The following CSMD1 variants were observed in gnomAD, a reference collection of about 807,000 sequenced individuals.
The protein encoded by CSMD1 is CUB and Sushi multiple domains 1.
A neutral mutation model predicts 417.5 loss-of-function variants in CSMD1; 213 were observed. The observed-to-expected ratio is 0.51, with a 90% CI of 0.46 to 0.57. The LOEUF (loss-of-function observed/expected upper bound fraction) is 0.57, where lower values mean the gene tolerates loss of function less well. Among genes scored for constraint, CSMD1 ranks in the 20% least tolerant of loss-of-function variants. The probability of loss-of-function intolerance (pLI) is 0.00; values close to 1 mark genes in which losing one functional copy is unlikely to be tolerated. For missense variants in CSMD1, 6,923 were observed against 4,529.7 expected (o/e 1.53, Z -15.17); for synonymous variants, 2,862 against 1,736.8 (o/e 1.65, Z -16.11).
chr8:3,829,785 G>C (rs955396456), intron 5 of CSMD1, among the ~76,000 whole-genome samples: 4 of 152,074 alleles, frequency 2.6e-5, no homozygotes, highest in Non-Finnish European at 4.4e-5. Context: ...CAGGAATATT[G>C]AATGAGGTTT....
At chr8:4,769,449 G>A (rs1796494643) in intron 1 of CSMD1, among the ~76,000 whole-genome samples, 1 of 152,108 alleles carries the variant, frequency 6.6e-6, no homozygotes, top group Non-Finnish European at 1.5e-5. Context: ...GGTATTATCT[G>A]AAGATCACTT....
chr8:3,639,803 G>C (rs1797218637), intron 7 of CSMD1, among the ~76,000 whole-genome samples: 1 of 151,836 alleles, frequency 6.6e-6, no homozygotes, highest in African/African-American at 2.4e-5. Flanking sequence ...TCCTATTTTG[G>C]TTCAGGGCAA....
chr8:4,053,125 G>A (rs1209042159), intron 3 of CSMD1, among the ~76,000 whole-genome samples: 9 of 152,288 alleles, frequency 5.9e-5, no homozygotes, highest in Non-Finnish European at 8.8e-5. Context: ...TGCCCAGGAA[G>A]CTTCTCCATG....
intron 23 of CSMD1, among the ~76,000 whole-genome samples, chr8:3,313,469 C>G (rs1055930788): frequency 6.6e-6 from 1 of 152,194 alleles, no homozygotes; most frequent in Non-Finnish European, 1.5e-5. Context: ...ACAGACACCT[C>G]TCAAAAGATG....
At chr8:3,080,444 A>C (rs1814004819) in intron 49 of CSMD1, among the ~76,000 whole-genome samples, 1 of 152,252 alleles carries the variant, frequency 6.6e-6, no homozygotes, top group African/African-American at 2.4e-5. Context: ...AAGGTCAAGC[A>C]AAGTGAGAAA....
intron 2 of CSMD1, among the ~76,000 whole-genome samples, chr8:4,471,845 G>C (rs1051893105): frequency 2.0e-5 from 3 of 152,130 alleles, no homozygotes; most frequent in African/African-American, 4.8e-5. Context: ...TGCAAGGAAG[G>C]TGTTTTCAAT....
chr8:4,621,573 G>C (rs953005020), intron 2 of CSMD1, among the ~76,000 whole-genome samples: 2 of 151,948 alleles, frequency 1.3e-5, no homozygotes, highest in Non-Finnish European at 2.9e-5. Context: ...ATTTCTAAAA[G>C]AAAACTCCAG....
rs192969022 is a variant in CSMD1 at position 3,240,588 on chromosome 8, C to G, written c.4154-10357G>C. On this transcript the variant is annotated intron_variant, in intron 26 of 69. Coordinates refer to ENST00000635120, the MANE Select transcript of CSMD1 (RefSeq NM_033225.6). ...GGGGGCTGTCTGTGAAGCTTTGCGG[C>G]AGTACAGCCCGGGTAATCTGCTGAG... 9.3e-3 allele frequency among the ~76,000 whole-genome samples: 1,417 copies of G among 151,934 alleles called. 22 individuals carry two copies. Among genetic ancestry groups the G allele is most frequent in the African/African-American group, 0.032 (1,332 of 41,422 alleles).
intron 26 of CSMD1, among the ~76,000 whole-genome samples, chr8:3,255,425 G>T (rs1800578042): frequency 6.6e-6 from 1 of 152,190 alleles, no homozygotes; most frequent in Admixed American, 6.5e-5. Context: ...AGTCTGCACA[G>T]GTTTCTGCTG....
chr8:3,746,083 AT>A (rs59714113), intron 6 of CSMD1, among the ~76,000 whole-genome samples: 8,757 of 152,230 alleles, frequency 0.058, 909 homozygotes, highest in African/African-American at 0.2. Flanking sequence ...CATTTAGCAA[AT>A]AAACATGAAA....
intron 6 of CSMD1, among the ~76,000 whole-genome samples, chr8:3,742,565 G>A (rs1487810882): frequency 6.6e-6 from 1 of 152,146 alleles, no homozygotes; most frequent in Non-Finnish European, 1.5e-5. Context: ...TGAAGAAAGT[G>A]ACGCATTGCC....
intron 41 of CSMD1, among the ~76,000 whole-genome samples, chr8:3,121,447 C>A (rs568752252): frequency 1.3e-5 from 2 of 152,278 alleles, no homozygotes; most frequent in African/African-American, 4.8e-5. Context: ...TTGGCTCCCC[C>A]AGGGACGAGA....
chr8:3,421,488 AAAG>A (rs1157234690), intron 12 of CSMD1, among the ~76,000 whole-genome samples: 1 of 152,252 alleles, frequency 6.6e-6, no homozygotes, highest in Non-Finnish European at 1.5e-5. Context: ...TACACAAAAC[AAAG>A]AATAGAGGAG....
intron 3 of CSMD1, among the ~76,000 whole-genome samples, chr8:4,258,859 A>G (rs1007928697): frequency 2.0e-5 from 3 of 152,178 alleles, no homozygotes; most frequent in African/African-American, 7.2e-5. Context: ...CAACGGCTGC[A>G]AAAGTCTCAT....
chr8:4,464,107 GAT>G (rs1352157057), intron 2 of CSMD1, among the ~76,000 whole-genome samples: 3 of 152,002 alleles, frequency 2.0e-5, no homozygotes, highest in Admixed American at 6.6e-5. Context: ...AAAAGAATGA[GAT>G]AGAGCTCAGA....
chr8:4,518,864 G>T (rs1803271309), intron 2 of CSMD1, among the ~76,000 whole-genome samples: 1 of 151,972 alleles, frequency 6.6e-6, no homozygotes, highest in Non-Finnish European at 1.5e-5. Context: ...TAAATACAGA[G>T]CCAATACTCT....
chr8:3,779,832 G>C (rs190030675), intron 5 of CSMD1, among the ~76,000 whole-genome samples: 1 of 152,126 alleles, frequency 6.6e-6, no homozygotes, highest in African/African-American at 2.4e-5. Context: ...AATAGGGACA[G>C]GAAAAATAGT....
chr8:4,163,351 G>A (rs1218440124), intron 3 of CSMD1, among the ~76,000 whole-genome samples: 1 of 152,106 alleles, frequency 6.6e-6, no homozygotes, highest in African/African-American at 2.4e-5. Context: ...ATTCCCATCA[G>A]CCATAACTCA....
chr8:3,775,053 T>C (rs1798826064), intron 5 of CSMD1, among the ~76,000 whole-genome samples: 1 of 152,286 alleles, frequency 6.6e-6, no homozygotes, highest in Non-Finnish European at 1.5e-5. Flanking sequence ...CAGAATAGCA[T>C]ACAATTTAAA....
Sources: allele counts gnomAD v4.1 joint callset (sites outside exome capture counted in the v4.1 genomes callset), GRCh38; gene constraint gnomAD v4.1.1; transcripts MANE v1.5; gene names NCBI Gene and HGNC (gene_info 2026-07-23, HGNC 2026-07-21).